The following ERC1 variants were observed in gnomAD, a reference collection of about 807,000 sequenced individuals.
ERC1 encodes the protein RAB6 interacting protein 2.
In ERC1, 56 loss-of-function variants were observed where a neutral mutation model predicts 132.0. That is an observed-to-expected ratio of 0.42 (90% CI 0.34 to 0.53). ERC1 has a LOEUF of 0.53. Ranked by LOEUF, ERC1 falls within the 20% of genes least tolerant of loss-of-function variation. ERC1 has a pLI of 0.03. For synonymous variants in ERC1, 478 were observed against 476.1 expected (o/e 1.00, Z -0.05); for missense variants, 1,202 against 1,349.9 (o/e 0.89, Z 1.72).
At chr12:1,210,357 G>A (rs189682809) in intron 12 of ERC1, among the ~76,000 whole-genome samples, 5 of 152,308 alleles carry the variant, frequency 3.3e-5, no homozygotes, top group East Asian at 3.9e-4. Flanking sequence ...GGATTGCTCT[G>A]TCTTTAAGAC....
intron 1 of ERC1, among the ~76,000 whole-genome samples, chr12:1,004,372 T>TTAATAAA (rs1317281560): frequency 6.6e-6 from 1 of 151,772 alleles, no homozygotes; most frequent in African/African-American, 2.4e-5. Context: ...TTTCTGCTGG[T>TTAATAAA]TAATAAATTT....
intron 12 of ERC1, among the ~76,000 whole-genome samples, chr12:1,216,610 A>AGGGATGGGGGGCGGGGGGGG (rs1566277397): frequency 4.8e-4 from 3 of 6,268 alleles, no homozygotes; most frequent in Non-Finnish European, 6.8e-4. Flanking sequence ...GTCGGGGAGG[A>AGGGATGGGGGGCGGGGGGGG]GGGATGGGGG....
chr12:1,244,510 G>A (rs1467807749), intron 13 of ERC1: 1 of 449,364 alleles, frequency 2.2e-6, no homozygotes, highest in South Asian at 1.6e-5. Flanking sequence ...TTGTTTGTTT[G>A]TTTGTTTGTT....
intron 17 of ERC1, among the ~76,000 whole-genome samples, chr12:1,438,363 T>A (rs1402791072): frequency 6.6e-6 from 1 of 152,236 alleles, no homozygotes; most frequent in East Asian, 1.9e-4. Context: ...GATGATAATA[T>A]TTATGGAAAG....
At chr12:999,236 A>G (rs565463273) in intron 1 of ERC1, among the ~76,000 whole-genome samples, 20 of 151,938 alleles carry the variant, frequency 1.3e-4, no homozygotes, top group African/African-American at 4.8e-4. Flanking sequence ...ATCGCTTTCT[A>G]TTTCATTTTT....
At chr12:1,484,209 G>C (rs1319337643) in intron 18 of ERC1, among the ~76,000 whole-genome samples, 1 of 151,882 alleles carries the variant, frequency 6.6e-6, no homozygotes, top group Admixed American at 6.5e-5. Context: ...GGAGGCTGAG[G>C]CAGGAGGATG....
intron 18 of ERC1, among the ~76,000 whole-genome samples, chr12:1,445,782 T>A (rs543054259): frequency 6.6e-6 from 1 of 152,350 alleles, no homozygotes; most frequent in East Asian, 1.9e-4. Flanking sequence ...CTGTTAACAT[T>A]GCCATCGGTT....
intron 2 of ERC1, among the ~76,000 whole-genome samples, chr12:1,053,589 C>G (rs569754891): frequency 2.6e-5 from 4 of 152,266 alleles, no homozygotes; most frequent in African/African-American, 7.2e-5. Context: ...ATTGTCCTCC[C>G]TCCTATTTAT....
chr12:1,129,307 C>G (rs1204711738), intron 7 of ERC1, among the ~76,000 whole-genome samples: 1 of 18,920 alleles, frequency 5.3e-5, no homozygotes, highest in Non-Finnish European at 9.6e-4. Context: ...TGCGTCTCCA[C>G]AAACAACAAC....
chr12:1,180,404 G>A, intron 8 of ERC1, 136 bp from the exon 9 acceptor site: 1 of 739,906 alleles, frequency 1.4e-6, no homozygotes, highest in Non-Finnish European at 2.1e-6. Flanking sequence ...AAACTCTTAG[G>A]ATTAAATGAT....
At chr12:1,084,218 G>C (rs934305305) in intron 3 of ERC1, among the ~76,000 whole-genome samples, 21 of 152,142 alleles carry the variant, frequency 1.4e-4, no homozygotes, top group African/African-American at 5.1e-4. Context: ...AAGGCGTAAA[G>C]GAAGAAACCA....
intron 4 of ERC1, 91 bp from the exon 5 acceptor site, chr12:1,110,101 T>C: frequency 9.0e-7 from 1 of 1,113,810 alleles, no homozygotes; most frequent in South Asian, 1.8e-5. Context: ...TTGTCTATCT[T>C]TATTAAATGT....
At chr12:1,074,181 C>T (rs985526867) in intron 2 of ERC1, among the ~76,000 whole-genome samples, 1 of 151,934 alleles carries the variant, frequency 6.6e-6, no homozygotes, top group Non-Finnish European at 1.5e-5. Context: ...AATTTTTTAG[C>T]TCCATTGTAA....
At chr12:1,298,510 T>A (rs2080142505) in intron 15 of ERC1, among the ~76,000 whole-genome samples, 1 of 140,000 alleles carries the variant, frequency 7.1e-6, no homozygotes, top group Admixed American at 7.6e-5. Flanking sequence ...GCCACTGCAC[T>A]CCAGCCTGGA....
In ERC1 at chr12:1,329,329, G is replaced by GT. The variant is rs1192432888; in HGVS notation, c.2780+39327dup. Among the ~76,000 whole-genome samples, 82 of 134,312 alleles carry GT rather than the reference G, an allele frequency of 6.1e-4. 4 individuals are homozygous for GT. Among genetic ancestry groups the GT allele is most frequent in the African/African-American group, 1.2e-3 (41 of 34,990 alleles). 88.1% of individuals were successfully genotyped at this position (134,312 alleles called of 152,430 possible). On this transcript the variant is annotated intron_variant, in intron 15 of 18. Coordinates refer to ENST00000360905, the MANE Select transcript of ERC1 (RefSeq NM_178040.4). The stretch of plus-strand genomic sequence containing the variant: ...AAAAGAAAGAAAAGTCTTAGAAAAG[G>GT]TTTTTTTTTTCTAAATTTTTCAATA...
intron 13 of ERC1, among the ~76,000 whole-genome samples, chr12:1,262,559 G>A (rs2077207976): frequency 6.6e-6 from 1 of 152,208 alleles, no homozygotes; most frequent in Admixed American, 6.5e-5. Context: ...GAAATCGTTT[G>A]CTGACAATTG....
intron 4 of ERC1, among the ~76,000 whole-genome samples, chr12:1,108,313 G>C (rs1301367781): frequency 6.6e-6 from 1 of 152,166 alleles, no homozygotes. Context: ...ATATTTTTAA[G>C]GGCCTTGTAG....
At chr12:994,557 T>TA (rs1206267819) in intron 1 of ERC1, among the ~76,000 whole-genome samples, 1 of 152,250 alleles carries the variant, frequency 6.6e-6, no homozygotes, top group African/African-American at 2.4e-5. Context: ...CCTAACCTCT[T>TA]AAGCTGGTCA....
At chr12:1,166,708 G>C (rs1952459427) in intron 8 of ERC1, among the ~76,000 whole-genome samples, 2 of 152,046 alleles carry the variant, frequency 1.3e-5, no homozygotes, top group Admixed American at 1.3e-4. Flanking sequence ...TTTGTATTTT[G>C]AAACTAACCT....
Sources: gnomAD v4.1 joint callset for allele counts (sites outside exome capture counted in the v4.1 genomes callset) on GRCh38, gnomAD v4.1.1 for gene constraint, MANE v1.5 for transcripts, NCBI Gene and HGNC (gene_info 2026-07-23, HGNC 2026-07-21) for gene names.